The following CNTRL variants were observed in gnomAD, a reference collection of about 807,000 sequenced individuals.
CNTRL encodes 110 kDa centrosomal protein.
In CNTRL, 233 loss-of-function variants were observed where a neutral mutation model predicts 303.7. That is an observed-to-expected ratio of 0.77 (90% CI 0.69 to 0.86). The LOEUF (loss-of-function observed/expected upper bound fraction) is 0.86. Among genes scored for constraint, CNTRL ranks in the 40% least tolerant of loss-of-function variants. The pLI is 0.00. For synonymous variants in CNTRL, 900 were observed against 922.2 expected, an observed-to-expected ratio of 0.98 and a Z score of 0.44; for missense variants, 2,524 against 2,650.6, an observed-to-expected ratio of 0.95 and a Z score of 1.05.
rs527440772 is a variant in CNTRL at position 121,144,796 on chromosome 9, C to T, written c.3052-47C>T. 6 of 1,384,456 alleles carry T rather than the reference C, an allele frequency of 4.3e-6. No homozygotes were observed. The East Asian group carries it at 1.1e-4, about 27-fold the overall frequency. The allele number at this position is 1,384,456 out of a possible 1,614,324, so 85.8% of individuals were successfully genotyped here. A position where few individuals can be genotyped will look rare whatever the true frequency, so the allele number is the denominator to read the frequency against. On this transcript the variant is annotated intron_variant, in intron 20 of 43. Transcript: ENST00000373855. Reference sequence around the variant, plus strand: ...ATCCAAGAGGAAGAAATGAAGAAGACAACCTGTGATAGCAGTGGTGCCTTT... The same window carrying T: ...ATCCAAGAGGAAGAAATGAAGAAGATAACCTGTGATAGCAGTGGTGCCTTT...
rs780262141 is a variant in CNTRL at position 121,135,806 on chromosome 9, G to A, written c.2026G>A (p.Glu676Lys). 1 of 1,607,034 alleles carries A rather than the reference G, an allele frequency of 6.2e-7. No homozygotes were observed. Among genetic ancestry groups the A allele is most frequent in the South Asian group, 1.1e-5 (1 of 90,206 alleles). The change falls in exon 15 of 44, where the codon GAG (glutamate) becomes AAG (lysine). Residue 676 changes from glutamate (E) to lysine (K), a missense_variant and splice_region_variant. Transcript: ENST00000373855. ...VAMDAENMRK[E>K]LAELESALQE... ...AGTTAAACCCACTGAATCTTTCTAG[G>A]AGCTTGCAGAGCTAGAAAGTGCCCT...
At chr9:121,121,736 G>A in intron 12 of CNTRL, 1 of 977,932 alleles carries the variant, frequency 1.0e-6, no homozygotes, top group Non-Finnish European at 1.2e-6. Flanking sequence ...GCCCGCAGAG[G>A]CTGCTGGTGA....
At chr9:121,140,818 G>A (rs1250089347) in intron 17 of CNTRL, 32 bp downstream of exon 17, 2 of 1,596,634 alleles carry the variant, frequency 1.3e-6, no homozygotes, top group East Asian at 4.5e-5. Flanking sequence ...CAAGTCTAGA[G>A]TGGGCCTCAC....
At chr9:121,083,507 A>C (rs1418841504) in intron 2 of CNTRL, among the ~76,000 whole-genome samples, 1 of 152,226 alleles carries the variant, frequency 6.6e-6, no homozygotes, top group Non-Finnish European at 1.5e-5. Flanking sequence ...CTTCAAGGGC[A>C]ATAACATGCA....
At chr9:121,152,215 A>ACC (rs1362093245) in intron 25 of CNTRL, 1 of 385,996 alleles carries the variant, frequency 2.6e-6, no homozygotes, top group African/African-American at 2.0e-5. Flanking sequence ...CTTCTGCTAG[A>ACC]CCCCGAACTC....
intron 12 of CNTRL, chr9:121,121,960 T>C (rs2050253146): frequency 1.0e-6 from 1 of 981,822 alleles, no homozygotes; most frequent in Admixed American, 6.1e-5. Context: ...AGGTATGATA[T>C]TTTTTCTCTC....
chr9:121,164,652 T>G (rs2057466), intron 34 of CNTRL, among the ~76,000 whole-genome samples: 1 of 152,084 alleles, frequency 6.6e-6, no homozygotes, highest in Admixed American at 6.5e-5. Context: ...TTTCTACTCT[T>G]TCGATTGTCA....
At position 121,141,595 on chromosome 9, in the gene CNTRL, C is replaced by T; in HGVS notation, c.2691+7C>T. 1 of 1,613,448 alleles carries T rather than the reference C, an allele frequency of 6.2e-7. No individual in the cohort carries two copies. Among genetic ancestry groups the T allele is most frequent in the Non-Finnish European group, 8.5e-7 (1 of 1,179,576 alleles). On this transcript the variant is annotated splice_region_variant and intron_variant, in intron 18 of 43. Transcript: ENST00000373855. ...GAGAGCCCTGGAAGCAAGAGTAAGA[C>T]AAGGGCAAGAGGCACCTGGAGGGAA...
Position 121,162,950 on chromosome 9 carries a change from T to A in CNTRL, c.5423+679T>A, listed in dbSNP as rs550437281. 2.0e-5 allele frequency among the ~76,000 whole-genome samples: 3 copies of A among 152,268 alleles called. No homozygotes were observed. The South Asian group carries it at 6.2e-4, about 32-fold the overall frequency. On this transcript the variant is annotated intron_variant, in intron 34 of 43. Coordinates refer to ENST00000373855, the MANE Select transcript of CNTRL (RefSeq NM_007018.6). ...GGCATCTTTTTCAGTAGAGAAAAGATGGTCTTTTAGAAAAATGTTGGCTGA... is the reference window on the plus strand; with the variant it reads ...GGCATCTTTTTCAGTAGAGAAAAGAAGGTCTTTTAGAAAAATGTTGGCTGA...
intron 13 of CNTRL, among the ~76,000 whole-genome samples, chr9:121,124,832 T>C (rs545530109): frequency 7.9e-5 from 12 of 151,366 alleles, no homozygotes; most frequent in Admixed American, 7.2e-4. Context: ...TGGCACCATC[T>C]GCTTGGGAGA....
intron 1 of CNTRL, among the ~76,000 whole-genome samples, chr9:121,076,508 T>C (rs1022823224): frequency 1.3e-5 from 2 of 151,950 alleles, no homozygotes; most frequent in Non-Finnish European, 2.9e-5. Flanking sequence ...GGTCAGAGTA[T>C]TGGAACGCAT....
chr9:121,142,569 A>G (rs1253308416), intron 19 of CNTRL, among the ~76,000 whole-genome samples: 1 of 152,224 alleles, frequency 6.6e-6, no homozygotes, highest in Non-Finnish European at 1.5e-5. Context: ...CCTCTTGTCC[A>G]GTTGGATACA....
intron 31 of CNTRL, 55 bp from the exon 32 acceptor site, chr9:121,160,088 A>G: frequency 1.6e-6 from 2 of 1,237,844 alleles, no homozygotes; most frequent in African/African-American, 3.1e-5. Flanking sequence ...CTTATTTTGA[A>G]GTAATTTTCA....
rs576050270 is a variant in CNTRL at position 121,175,030 on chromosome 9, C to T, written c.6760C>T (p.His2254Tyr). 1.2e-6 allele frequency: 2 copies of T among 1,613,772 alleles called. No homozygotes were observed. Among genetic ancestry groups the T allele is most frequent in the South Asian group, 2.2e-5 (2 of 91,048 alleles). Residue 2254 changes from histidine to tyrosine, a missense_variant, in exon 43 of 44, where the codon CAC (histidine) becomes TAC (tyrosine). By Grantham distance (83) the His-to-Tyr change is moderately conservative. Coordinates refer to ENST00000373855, the MANE Select transcript of CNTRL (RefSeq NM_007018.6). ...TCACACTTTTCAGGCCCAACTCCGA[C>T]ACTGTATGTCCAAGCAAGCAGAAGT... is the stretch of plus-strand genomic sequence containing the variant. ...REDRLKAQLR[H>Y]CMSKQAEVLI... is the part of the protein sequence containing the mutation.
chr9:121,106,024 A>G (rs2049450918), intron 7 of CNTRL, among the ~76,000 whole-genome samples: 1 of 152,210 alleles, frequency 6.6e-6, no homozygotes, highest in African/African-American at 2.4e-5. Flanking sequence ...AAACAAAAAA[A>G]CAAATGAACA....
chr9:121,154,497 T>G (rs997133047), intron 26 of CNTRL, among the ~76,000 whole-genome samples: 4 of 152,242 alleles, frequency 2.6e-5, no homozygotes. Flanking sequence ...GGCAAACAAT[T>G]CCATGTCATG....
intron 43 of CNTRL, among the ~76,000 whole-genome samples, chr9:121,175,872 G>A (rs1433360219): frequency 6.6e-6 from 1 of 152,154 alleles, no homozygotes; most frequent in East Asian, 1.9e-4. Context: ...AGGCCAATAT[G>A]AGTCCTAGTT....
At chr9:121,111,210 T>C (rs2049733036) in intron 8 of CNTRL, 5 of 152,152 alleles carry the variant, frequency 3.3e-5, no homozygotes, top group Admixed American at 3.3e-4. Flanking sequence ...ATAGGCAGTA[T>C]TGGATTTGAA....
intron 8 of CNTRL, among the ~76,000 whole-genome samples, chr9:121,111,448 G>A (rs1328836700): frequency 2.0e-5 from 3 of 152,124 alleles, no homozygotes; most frequent in Non-Finnish European, 4.4e-5. Context: ...TAATCAGGAG[G>A]TGACTGTGAG....
Sources: gnomAD v4.1 joint callset for allele counts (sites outside exome capture counted in the v4.1 genomes callset) on GRCh38, gnomAD v4.1.1 for gene constraint, MANE v1.5 for transcripts, NCBI Gene and HGNC (gene_info 2026-07-23, HGNC 2026-07-21) for gene names.